Variants in CLMN observed in about 807,000 individuals in gnomAD.
The protein encoded by CLMN is calmin (calponin-like, transmembrane).
In CLMN, 57 loss-of-function variants were observed where a neutral mutation model predicts 92.7. The ratio of observed to expected loss-of-function variants is 0.61; its 90% CI spans 0.50 to 0.77. The LOEUF is 0.77. Among genes scored for constraint, CLMN ranks in the 30% least tolerant of loss-of-function variants. CLMN has a pLI of 0.00. For synonymous variants in CLMN, 466 were observed against 470.6 expected (o/e 0.99, Z 0.13); for missense variants, 1,158 against 1,237.5 (o/e 0.94, Z 0.96).
chr14:95,202,046 G>C (rs1896900063), intron 9 of CLMN, among the ~76,000 whole-genome samples: 1 of 152,160 alleles, frequency 6.6e-6, no homozygotes, highest in African/African-American at 2.4e-5. Context: ...ACATATGTGT[G>C]CATGTATGTC....
At chr14:95,209,704 C>T (rs1322321743) in intron 7 of CLMN, among the ~76,000 whole-genome samples, 1 of 152,170 alleles carries the variant, frequency 6.6e-6, no homozygotes, top group Non-Finnish European at 1.5e-5. Flanking sequence ...TTCTTATTCC[C>T]AAAATTCTGT....
chr14:95,289,035 G>C (rs1373096025), intron 1 of CLMN, among the ~76,000 whole-genome samples: 3 of 152,212 alleles, frequency 2.0e-5, no homozygotes, highest in Admixed American at 1.3e-4. Context: ...GTTACCGCTG[G>C]AGGTAGGTAT....
chr14:95,236,563 A>C (rs2140646097), intron 1 of CLMN, among the ~76,000 whole-genome samples: 1 of 152,278 alleles, frequency 6.6e-6, no homozygotes, highest in South Asian at 2.1e-4. Context: ...ACATCCTGCC[A>C]TGCACGGGAC....
chr14:95,221,367 T>C (rs1237171162), intron 4 of CLMN, among the ~76,000 whole-genome samples: 2 of 152,242 alleles, frequency 1.3e-5, no homozygotes, highest in South Asian at 2.1e-4. Flanking sequence ...CTCGCCATAC[T>C]CTTATTCAAG....
At chr14:95,279,183 C>T (rs1215192825) in intron 1 of CLMN, among the ~76,000 whole-genome samples, 2 of 151,954 alleles carry the variant, frequency 1.3e-5, no homozygotes, top group Admixed American at 6.6e-5. Flanking sequence ...CCTTTTAGTT[C>T]GTGTCACTTG....
chr14:95,222,419 C>A (rs537169495), intron 3 of CLMN: 1 of 375,806 alleles, frequency 2.7e-6, no homozygotes, highest in Admixed American at 3.1e-5. Context: ...CTGAAGCACA[C>A]TGACGCTCCT....
Position 95,203,091 on chromosome 14 carries a change from T to C in CLMN, c.2258A>G (p.Glu753Gly), listed in dbSNP as rs746046813. 1 of 1,613,966 alleles carries C rather than the reference T, an allele frequency of 6.2e-7. No homozygotes were observed. Among genetic ancestry groups the C allele is most frequent in the Non-Finnish European group, 8.5e-7 (1 of 1,180,040 alleles). ...YVEDPEDLKNEEMDLEEPEGY... is the reference protein window; with the variant it reads ...YVEDPEDLKNGEMDLEEPEGY... The stretch of plus-strand genomic sequence containing the variant: ...CTCTGGCTCTTCGAGATCCATTTCT[T>C]CATTTTTTAGATCCTCCGGGTCTTC... Residue 753 changes from glutamate to glycine, a missense_variant, in exon 9 of 13, where the codon GAA becomes GGA. Glu to Gly is a moderately conservative substitution (Grantham distance 98, BLOSUM62 -2). Coordinates refer to ENST00000298912, the MANE Select transcript of CLMN (RefSeq NM_024734.4).
intron 1 of CLMN, among the ~76,000 whole-genome samples, chr14:95,285,948 C>T (rs984936770): frequency 6.6e-5 from 10 of 152,168 alleles, no homozygotes; most frequent in Admixed American, 6.5e-4. Context: ...ACAATTGATT[C>T]ATATAGGACC....
rs780891240 is a variant in CLMN, at chr14:95,196,703, C to A, written c.2512-9G>T. 1.2e-6 allele frequency: 2 copies of A among 1,610,378 alleles called. No individual in the cohort carries two copies. The highest frequency in any genetic ancestry group is 8.5e-7 in the Non-Finnish European group (1 of 1,178,326). ...TTTGGGGATTCCTGGGACTGAAAGA[C>A]AGAACAACCAAATCCAAGTCAGTAT... On this transcript the variant is annotated splice_polypyrimidine_tract_variant and intron_variant, in intron 9 of 12. Transcript: ENST00000298912.
chr14:95,257,796 C>T (rs1040694169), intron 1 of CLMN, among the ~76,000 whole-genome samples: 26 of 152,210 alleles, frequency 1.7e-4, no homozygotes, highest in Non-Finnish European at 2.4e-4. Flanking sequence ...ACTTAGAGGA[C>T]GCAGGACCTA....
Position 95,210,677 on chromosome 14 carries a change from C to T in CLMN, c.802+9G>A. 1 of 1,599,274 alleles carries T rather than the reference C, an allele frequency of 6.3e-7. No individual in the cohort carries two copies. The highest frequency in any genetic ancestry group is 1.4e-5 in the African/African-American group (1 of 73,530). On this transcript the variant is annotated intron_variant, in intron 7 of 12. Transcript: ENST00000298912. ...AAATTATTAGAAAGAAAGAGAGAACCACTGCTACCTTCTGGCTCCAGGAGC... is the reference window on the plus strand; with the variant it reads ...AAATTATTAGAAAGAAAGAGAGAACTACTGCTACCTTCTGGCTCCAGGAGC...
intron 1 of CLMN, among the ~76,000 whole-genome samples, chr14:95,303,121 A>T (rs901350705): frequency 1.3e-5 from 2 of 152,198 alleles, no homozygotes; most frequent in Admixed American, 1.3e-4. Context: ...ATAACTTTTA[A>T]TCCTGCCATG....
At chr14:95,195,262 C>T (rs1896673781) in intron 10 of CLMN, among the ~76,000 whole-genome samples, 1 of 152,204 alleles carries the variant, frequency 6.6e-6, no homozygotes, top group Non-Finnish European at 1.5e-5. Context: ...ACTGTTTGTC[C>T]AAAGTGCTCA....
intron 1 of CLMN, 87 bp from the exon 2 acceptor site, chr14:95,230,220 G>A (rs951201375): frequency 1.6e-6 from 2 of 1,259,004 alleles, no homozygotes; most frequent in Non-Finnish European, 2.3e-6. Flanking sequence ...GATTCTAGGT[G>A]GAGGGCAGAC....
At position 95,204,583 on chromosome 14, in the gene CLMN, A is replaced by T. The variant is rs913394706; in HGVS notation, c.886-120T>A. On this transcript the variant is annotated intron_variant, in intron 8 of 12. Coordinates refer to ENST00000298912, the MANE Select transcript of CLMN (RefSeq NM_024734.4). Reference sequence around the variant, plus strand: ...TACAACCCATATCCACCTTTCCCAAAACACAAACAAACAAAAATGGAAAAA... The same window carrying T: ...TACAACCCATATCCACCTTTCCCAATACACAAACAAACAAAAATGGAAAAA... 5.4e-6 allele frequency: 5 copies of T among 921,046 alleles called. No individual in the cohort carries two copies. In the African/African-American group the frequency reaches 8.4e-5, roughly 15 times the overall value. 57.1% of individuals were successfully genotyped at this position (921,046 alleles called of 1,614,324 possible).
At chr14:95,305,061 C>T (rs556197084) in intron 1 of CLMN, among the ~76,000 whole-genome samples, 1 of 152,188 alleles carries the variant, frequency 6.6e-6, no homozygotes, top group Admixed American at 6.5e-5. Context: ...GCCTCTAACA[C>T]GAAAGCTTCA....
In CLMN at chr14:95,190,316, G is replaced by A. The variant is rs1896530778; in HGVS notation, c.*1248C>T. On this transcript the variant is annotated 3_prime_UTR_variant, in exon 13 of 13. Coordinates refer to ENST00000298912, the MANE Select transcript of CLMN (RefSeq NM_024734.4). The stretch of plus-strand genomic sequence containing the variant: ...GTGCCTGTGTGCTCACTGCAAGTCT[G>A]CCCCTGGTCGGCTATATGATCTTGG... 6.6e-6 allele frequency: 1 copy of A among 152,284 alleles called. No individual in the cohort carries two copies. The highest frequency in any genetic ancestry group is 2.4e-5 in the African/African-American group (1 of 41,460). 9.4% of individuals were successfully genotyped at this position (152,284 alleles called of 1,614,324 possible).
chr14:95,245,299 T>A, intron 1 of CLMN, among the ~76,000 whole-genome samples: 1 of 89,704 alleles, frequency 1.1e-5, no homozygotes, highest in Admixed American at 1.5e-4. Context: ...TTTTGTTTTA[T>A]TTTATTTTAT....
At chr14:95,237,525 C>T (rs1281604649) in intron 1 of CLMN, among the ~76,000 whole-genome samples, 1 of 152,250 alleles carries the variant, frequency 6.6e-6, no homozygotes, top group Non-Finnish European at 1.5e-5. Flanking sequence ...CAAAGGTCCC[C>T]ATCCACTGTC....
Sources: gnomAD v4.1 joint callset for allele counts (sites outside exome capture counted in the v4.1 genomes callset) on GRCh38, gnomAD v4.1.1 for gene constraint, MANE v1.5 for transcripts, NCBI Gene and HGNC (gene_info 2026-07-23, HGNC 2026-07-21) for gene names.